The following ZNF285 variants were observed in gnomAD, a reference collection of about 807,000 sequenced individuals.
The protein encoded by ZNF285 is zinc finger protein 285A.
ZNF285 carries 4 observed loss-of-function variants against 6.2 expected under a neutral mutation model. The ratio of observed to expected loss-of-function variants is 0.65; its 90% CI spans 0.32 to 1.49. The LOEUF (loss-of-function observed/expected upper bound fraction) is 1.49. ZNF285 is among the 40% of genes most tolerant of loss of function. ZNF285 has a pLI of 0.07. For synonymous variants in ZNF285, 240 were observed against 245.8 expected (o/e 0.98, Z 0.22); for missense variants, 695 against 708.8 (o/e 0.98, Z 0.22).
chr19:44,391,360 G>C (rs186009849), intron 3 of ZNF285, among the ~76,000 whole-genome samples: 4 of 151,948 alleles, frequency 2.6e-5, no homozygotes, highest in Admixed American at 6.6e-5. Context: ...ATCCATAAAA[G>C]GGGGATAATA....
rs1971378248 is a variant in ZNF285 at position 44,401,579 on chromosome 19, A to G, written c.-55T>C. ...CAGACGGGACTCACCCCAGCGTCCC[A>G]AACAATGTCGCCCGCAGCGTGCGTC... is the stretch of plus-strand genomic sequence containing the variant. On this transcript the variant is annotated 5_prime_UTR_variant, in exon 1 of 4. Coordinates refer to ENST00000614994, the MANE Select transcript of ZNF285 (RefSeq NM_152354.6). 1 of 152,264 alleles carries G rather than the reference A, an allele frequency of 6.6e-6. No homozygotes were observed. The highest frequency in any genetic ancestry group is 1.5e-5 in the Non-Finnish European group (1 of 68,100). The allele number at this position is 152,264 out of a possible 1,614,324, so 9.4% of individuals were successfully genotyped here.
rs1328882817 is a variant in ZNF285, at chr19:44,386,149, C to T, written c.*323G>A. ...ACGTTGGCTGAACTGAAGACCTTAC[C>T]ATGATCATCCCAATTAGAATTTCCT... On this transcript the variant is annotated 3_prime_UTR_variant, in exon 4 of 4. Transcript: ENST00000614994. 1 of 244,658 alleles carries T rather than the reference C, an allele frequency of 4.1e-6. No homozygotes were observed. Among genetic ancestry groups the T allele is most frequent in the African/African-American group, 2.2e-5 (1 of 45,528 alleles). 15.2% of individuals were successfully genotyped at this position (244,658 alleles called of 1,614,324 possible). A position where few individuals can be genotyped will look rare whatever the true frequency, so the allele number is the denominator to read the frequency against.
chr19:44,391,559 T>G (rs1971197052), intron 3 of ZNF285, among the ~76,000 whole-genome samples: 2 of 151,874 alleles, frequency 1.3e-5, no homozygotes, highest in Admixed American at 1.3e-4. Flanking sequence ...GGAGAAAGCC[T>G]GTGCAGGAGA....
intron 3 of ZNF285, among the ~76,000 whole-genome samples, chr19:44,388,951 T>C (rs1313414557): frequency 2.8e-5 from 4 of 143,906 alleles, no homozygotes; most frequent in Admixed American, 7.0e-5. Flanking sequence ...CAATGGGGAT[T>C]GAAATGGGGT....
In ZNF285 at chr19:44,386,953, C is replaced by T. The variant is rs1048653404; in HGVS notation, c.1292G>A (p.Gly431Asp). 225 of 1,612,798 alleles carry T rather than the reference C, an allele frequency of 1.4e-4. No homozygotes were observed. Among genetic ancestry groups the T allele is most frequent in the Admixed American group, 3.3e-4 (20 of 59,972 alleles). ...TTGGCTGAAGCCCTTTCCACACTCA[C>T]CACACCTATATGGTTTCTCCCCTGT... The part of the protein sequence containing the change: ...FHTGEKPYRC[G>D]ECGKGFSQCT... Residue 431 changes from glycine (G) to aspartate (D), a missense_variant, in exon 4 of 4, where the codon GGT becomes GAT. Coordinates refer to ENST00000614994, the MANE Select transcript of ZNF285 (RefSeq NM_152354.6).
intron 3 of ZNF285, among the ~76,000 whole-genome samples, chr19:44,391,375 T>C (rs1479348509): frequency 6.6e-6 from 1 of 152,024 alleles, no homozygotes; most frequent in Non-Finnish European, 1.5e-5. Context: ...ATAATAACAG[T>C]AACTATCTGT....
In ZNF285 at chr19:44,397,940, G is replaced by A. The variant is rs986222257; in HGVS notation, c.-43-684C>T. On this transcript the variant is annotated intron_variant, in intron 1 of 3. Coordinates refer to ENST00000614994, the MANE Select transcript of ZNF285 (RefSeq NM_152354.6). ...GAGAGAGCAATCTCAGGATGACAGGGACCTTCTGCTATTTCCACTTTCGCA... is the reference window on the plus strand; with the variant it reads ...GAGAGAGCAATCTCAGGATGACAGGAACCTTCTGCTATTTCCACTTTCGCA... Among the ~76,000 whole-genome samples, 69 of 151,582 alleles carry A rather than the reference G, an allele frequency of 4.6e-4. 1 individual carries two copies. The highest frequency in any genetic ancestry group is 1.5e-3 in the African/African-American group (61 of 41,230).
intron 2 of ZNF285, among the ~76,000 whole-genome samples, chr19:44,396,388 C>T (rs76497689): frequency 6.6e-6 from 1 of 152,042 alleles, no homozygotes; most frequent in Non-Finnish European, 1.5e-5. Flanking sequence ...GATGGTCTTT[C>T]TAATGTGTCA....
intron 2 of ZNF285, among the ~76,000 whole-genome samples, chr19:44,395,147 C>T (rs564852555): frequency 2.0e-5 from 3 of 151,966 alleles, no homozygotes; most frequent in South Asian, 4.1e-4. Flanking sequence ...CAAGGACAGC[C>T]CCAAAATATT....
At chr19:44,392,530 G>C in intron 2 of ZNF285, 64 bp from the exon 3 acceptor site, 1 of 1,613,242 alleles carries the variant, frequency 6.2e-7, no homozygotes, top group Non-Finnish European at 8.5e-7. Flanking sequence ...GTCTGTTTGG[G>C]CTGCCTTAAT....
chr19:44,383,445 C>A lies in ZNF285; in HGVS notation c.*3027G>T, dbSNP rs1971029773. 1 of 152,126 alleles carries A rather than the reference C, an allele frequency of 6.6e-6. No homozygotes were observed. Among genetic ancestry groups the A allele is most frequent in the South Asian group, 2.1e-4 (1 of 4,820 alleles). The allele number at this position is 152,126 out of a possible 1,614,324, so 9.4% of individuals were successfully genotyped here. ...ATTGGTCTTCTGGAGGGTGAGAGAC[C>A]ATGATGACAGAGAGAACTTCGTTGT... is the stretch of plus-strand genomic sequence containing the variant. On this transcript the variant is annotated 3_prime_UTR_variant, in exon 4 of 4. Coordinates refer to ENST00000614994, the MANE Select transcript of ZNF285 (RefSeq NM_152354.6).
rs1417500744 is a variant in ZNF285, at chr19:44,387,195, C to T, written c.1050G>A (p.Gly350=). The part of the protein sequence containing the change: ...GEMPYKCDEC[G]KGFGFRSLLC... ...GAAGTGACCTAAATCCAAACCCTTTCCCACATTCATCGCATTTGTAGGGCA... is the reference window on the plus strand; with the variant it reads ...GAAGTGACCTAAATCCAAACCCTTTTCCACATTCATCGCATTTGTAGGGCA... The change falls in exon 4 of 4, where the codon GGG becomes GGA. Residue 350 remains glycine, a synonymous_variant. Transcript: ENST00000614994. The T allele has an allele frequency of 6.2e-7, 1 of 1,612,502 alleles. No homozygotes were observed. The highest frequency in any genetic ancestry group is 2.2e-5 in the East Asian group (1 of 44,706).
chr19:44,399,948 T>C (rs2123293873), intron 1 of ZNF285, among the ~76,000 whole-genome samples: 1 of 151,272 alleles, frequency 6.6e-6, no homozygotes, highest in East Asian at 2.0e-4. Flanking sequence ...TGACCTGTTG[T>C]TTAGAAGGGC....
At chr19:44,394,070 C>G (rs1318152123) in intron 2 of ZNF285, among the ~76,000 whole-genome samples, 1 of 152,098 alleles carries the variant, frequency 6.6e-6, no homozygotes, top group African/African-American at 2.4e-5. Flanking sequence ...CCATGGAATA[C>G]TATGCAGCCA....
rs1257758401 is a variant in ZNF285, at chr19:44,383,462, C to A, written c.*3010G>T. The A allele has an allele frequency of 2.0e-5, 3 of 152,156 alleles. No individual in the cohort carries two copies. Among genetic ancestry groups the A allele is most frequent in the Non-Finnish European group, 4.4e-5 (3 of 68,050 alleles). 9.4% of individuals were successfully genotyped at this position (152,156 alleles called of 1,614,324 possible). A position where few individuals can be genotyped will look rare whatever the true frequency, so the allele number is the denominator to read the frequency against. Reference sequence around the variant, plus strand: ...TGAGAGACCATGATGACAGAGAGAACTTCGTTGTCTCATCTATGACCATCA... The same window carrying A: ...TGAGAGACCATGATGACAGAGAGAAATTCGTTGTCTCATCTATGACCATCA... On this transcript the variant is annotated 3_prime_UTR_variant, in exon 4 of 4. Transcript: ENST00000614994.
At chr19:44,398,352 AG>A (rs777118729) in intron 1 of ZNF285, among the ~76,000 whole-genome samples, 3 of 152,138 alleles carry the variant, frequency 2.0e-5, no homozygotes, top group Non-Finnish European at 4.4e-5. Context: ...GTTAGCTTCC[AG>A]TTGGGTTCAG....
In ZNF285 at chr19:44,385,617, A is replaced by C. The variant is rs1007835009; in HGVS notation, c.*855T>G. Reference sequence around the variant, plus strand: ...GTCAGGATAGCCTAGGCAATGCTGCAGTAATAAATAAACCACCAAAAATCT... The same window carrying C: ...GTCAGGATAGCCTAGGCAATGCTGCCGTAATAAATAAACCACCAAAAATCT... On this transcript the variant is annotated 3_prime_UTR_variant, in exon 4 of 4. Transcript: ENST00000614994. 2.0e-5 allele frequency: 3 copies of C among 152,234 alleles called. No homozygotes were observed. Among genetic ancestry groups the C allele is most frequent in the Non-Finnish European group, 2.9e-5 (2 of 68,026 alleles). 9.4% of individuals were successfully genotyped at this position (152,234 alleles called of 1,614,324 possible).
rs1379664639 is a variant in ZNF285, at chr19:44,387,901, G to T, written c.344C>A (p.Ser115Tyr). 2 of 1,613,968 alleles carry T rather than the reference G, an allele frequency of 1.2e-6. No homozygotes were observed. Among genetic ancestry groups the T allele is most frequent in the South Asian group, 2.2e-5 (2 of 91,072 alleles). The change falls in exon 4 of 4, where the codon TCT becomes TAT. Residue 115 changes from serine to tyrosine, a missense_variant. Physicochemically the swap from Ser to Tyr is moderately radical, Grantham distance 144. Transcript: ENST00000614994. ...GTTTTCATTTTCAGAAATCTGAAGA[G>T]AAATGCCTGCCCACTCTTCACTGAG... is the stretch of plus-strand genomic sequence containing the variant. ...VSLSEEWAGI[S>Y]LQISENENYV...
intron 3 of ZNF285, among the ~76,000 whole-genome samples, chr19:44,391,071 T>C (rs1047292074): frequency 8.6e-5 from 13 of 151,732 alleles, no homozygotes; most frequent in African/African-American, 2.7e-4. Context: ...GGAGAATTGC[T>C]TGAACTTGGG....
Sources: allele counts gnomAD v4.1 joint callset (sites outside exome capture counted in the v4.1 genomes callset), GRCh38; gene constraint gnomAD v4.1.1; transcripts MANE v1.5; gene names NCBI Gene and HGNC (gene_info 2026-07-23, HGNC 2026-07-21).